Variants in PLPPR3 observed in about 807,000 individuals in gnomAD.
The protein encoded by PLPPR3 is phospholipid phosphatase-related protein type 3.
PLPPR3 carries 14 observed loss-of-function variants against 27.3 expected under a neutral mutation model. The observed-to-expected ratio is 0.51, with a 90% CI of 0.34 to 0.80. PLPPR3 has a LOEUF of 0.80. Ranked by LOEUF, PLPPR3 falls within the 30% of genes least tolerant of loss-of-function variation. The pLI is 0.01. For synonymous variants in PLPPR3, 671 were observed against 508.0 expected, an observed-to-expected ratio of 1.32 and a Z score of -4.32; for missense variants, 1,287 against 1,056.9, an observed-to-expected ratio of 1.22 and a Z score of -3.02.
chr19:814,773 C>A, intron 5 of PLPPR3, 24 bp from the exon 6 acceptor site: 1 of 1,559,150 alleles, frequency 6.4e-7, no homozygotes, highest in Non-Finnish European at 8.6e-7. Flanking sequence ...CCAGCGTGAG[C>A]CCCGCCCACC....
At chr19:817,203 C>G (rs1356923301) in intron 2 of PLPPR3, among the ~76,000 whole-genome samples, 2 of 151,948 alleles carry the variant, frequency 1.3e-5, no homozygotes, top group African/African-American at 4.8e-5. Context: ...GTCTCGAACT[C>G]CTAGGCTCAA....
At chr19:819,382 G>A (rs974853296) in intron 2 of PLPPR3, among the ~76,000 whole-genome samples, 2 of 151,040 alleles carry the variant, frequency 1.3e-5, no homozygotes, top group Admixed American at 6.6e-5. Context: ...CTGGGTTCAA[G>A]CGATTCTCCT....
In PLPPR3 at chr19:813,764, C is replaced by A; in HGVS notation, c.963G>T (p.Val321=). 1 of 1,528,178 alleles carries A rather than the reference C, an allele frequency of 6.5e-7. No homozygotes were observed. Among genetic ancestry groups the A allele is most frequent in the South Asian group, 1.2e-5 (1 of 83,418 alleles). The allele number at this position is 1,528,178 out of a possible 1,614,324, so 94.7% of individuals were successfully genotyped here. Residue 321 remains valine, a synonymous_variant, in exon 8 of 8, where the codon GTG becomes GTT. Transcript: ENST00000520876. The surrounding 1 kb of genome is among the most constrained non-coding windows in gnomAD (Gnocchi z 4.1). ...CTGGGGGCCCCAGCTCGTCGGTGCT[C>A]ACCGACTTATTCTGCTGATAAACCG... The part of the protein sequence containing the change: ...HDSVYQQNKS[V]STDELGPPGR...
intron 7 of PLPPR3, 149 bp from the exon 8 acceptor site, chr19:814,044 G>A (rs118190131): frequency 0.015 from 10,964 of 753,658 alleles, 126 homozygotes; most frequent in South Asian, 0.026. Context: ...CAAGGTTGCT[G>A]ACCCAGCACA....
intron 2 of PLPPR3, among the ~76,000 whole-genome samples, chr19:818,422 C>A (rs1026733699): frequency 6.6e-6 from 1 of 151,802 alleles, no homozygotes; most frequent in South Asian, 2.1e-4. Context: ...ATAATAAGGC[C>A]GACCGCAGTG....
Position 813,113 on chromosome 19 carries a change from C to T in PLPPR3, c.1614G>A (p.Gln538=), listed in dbSNP as rs759451673. The part of the protein sequence containing the change: ...AAVANPPRLL[Q]VIAMSKAPGA... ...CCGGAGCCTTGGACATGGCGATGAC[C>T]TGCAGCAGCCGCGGAGGGTTGGCCA... is the stretch of plus-strand genomic sequence containing the variant. The change falls in exon 8 of 8, where the codon CAG becomes CAA. Residue 538 remains glutamine, a synonymous_variant. Coordinates refer to ENST00000520876, the MANE Select transcript of PLPPR3 (RefSeq NM_001270366.2). This position sits in a 1 kb window ranked among gnomAD's most constrained non-coding sequence, Gnocchi z 4.1. 13 of 1,503,078 alleles carry T rather than the reference C, an allele frequency of 8.6e-6. No homozygotes were observed. Among genetic ancestry groups the T allele is most frequent in the African/African-American group, 1.5e-5 (1 of 68,474 alleles). 93.1% of individuals were successfully genotyped at this position (1,503,078 alleles called of 1,614,324 possible).
upstream of PLPPR3, among the ~76,000 whole-genome samples, chr19:823,454 A>ACAAAC (rs1568289365): frequency 2.0e-5 from 3 of 150,264 alleles, no homozygotes; most frequent in African/African-American, 7.3e-5. Flanking sequence ...AAAAAAAAAA[A>ACAAAC]AAAACAAACA....
In PLPPR3 at chr19:813,069, G is replaced by T. The variant is rs1234262321; in HGVS notation, c.1658C>A (p.Ala553Glu). Reference sequence around the variant, plus strand: ...GCTGGACGACGACGCCGTCTCGGCCGCCTTGGGGCCCGGCGCGCCCGGAGC... The same window carrying T: ...GCTGGACGACGACGCCGTCTCGGCCTCCTTGGGGCCCGGCGCGCCCGGAGC... ...SKAPGAPGPKAAETASSSSAS... is the reference protein window; with the variant it reads ...SKAPGAPGPKEAETASSSSAS... Residue 553 changes from alanine (A) to glutamate (E), a missense_variant, in exon 8 of 8, where the codon GCG becomes GAG. Ala to Glu is a moderately radical substitution (Grantham distance 107). Coordinates refer to ENST00000520876, the MANE Select transcript of PLPPR3 (RefSeq NM_001270366.2). The surrounding 1 kb of genome is among the most constrained non-coding windows in gnomAD (Gnocchi z 4.1). 1.3e-6 allele frequency: 2 copies of T among 1,500,082 alleles called. No individual in the cohort carries two copies. The highest frequency in any genetic ancestry group is 8.8e-7 in the Non-Finnish European group (1 of 1,135,202). 92.9% of individuals were successfully genotyped at this position (1,500,082 alleles called of 1,614,324 possible).
At chr19:818,148 C>T (rs1656380795) in intron 2 of PLPPR3, among the ~76,000 whole-genome samples, 1 of 151,990 alleles carries the variant, frequency 6.6e-6, no homozygotes, top group African/African-American at 2.4e-5. Context: ...TTTGGGAGGC[C>T]GGGACGGGCA....
rs1055642299 is a variant in PLPPR3, at chr19:812,831, G to A, written c.1896C>T (p.Ala632=). The A allele has an allele frequency of 1.8e-5, 20 of 1,113,272 alleles. No individual in the cohort carries two copies. The African/African-American group carries it at 2.5e-4, about 14-fold the overall frequency. 69.0% of individuals were successfully genotyped at this position (1,113,272 alleles called of 1,614,324 possible). Residue 632 remains alanine, a synonymous_variant, in exon 8 of 8, where the codon GCC becomes GCT. Coordinates refer to ENST00000520876, the MANE Select transcript of PLPPR3 (RefSeq NM_001270366.2). Reference sequence around the variant, plus strand: ...AGCCGGGGGACACGCCCGGGGGCTTGGCCCCGCCGCGGAAGCCGCGCGCCA... The same window carrying A: ...AGCCGGGGGACACGCCCGGGGGCTTAGCCCCGCCGCGGAAGCCGCGCGCCA... The part of the protein sequence containing the change: ...GDLARGFRGG[A]KPPGVSPGSS...
In PLPPR3 at chr19:814,722, C is replaced by T. The variant is rs1458640171; in HGVS notation, c.627G>A (p.Thr209=). The T allele has an allele frequency of 1.4e-5, 22 of 1,585,848 alleles. No individual in the cohort carries two copies. Among genetic ancestry groups the T allele is most frequent in the African/African-American group, 1.3e-4 (10 of 74,680 alleles). ...CATAGACCGCGGCGAAGGCTGACAG[C>T]GTGGCGTGCTGGGACGGGAAGGTCT... is the stretch of plus-strand genomic sequence containing the variant. ...ARKTFPSQHA[T]LSAFAAVYVS... The change falls in exon 6 of 8, where the codon ACG becomes ACA. Residue 209 remains threonine, a synonymous_variant. Coordinates refer to ENST00000520876, the MANE Select transcript of PLPPR3 (RefSeq NM_001270366.2).
intron 4 of PLPPR3, 36 bp from the exon 5 acceptor site, chr19:815,117 G>A (rs1159485123): frequency 6.2e-7 from 1 of 1,600,032 alleles, no homozygotes; most frequent in Admixed American, 1.7e-5. Flanking sequence ...CGGGGAGCTG[G>A]GGACCCGGGA....
intron 2 of PLPPR3, 37 bp from the exon 3 acceptor site, chr19:815,888 C>A (rs2035045366): frequency 3.8e-6 from 6 of 1,599,458 alleles, no homozygotes; most frequent in Non-Finnish European, 5.1e-6. Context: ...ACCCTGCTCT[C>A]CCTCGCGGAG....
intron 7 of PLPPR3, among the ~76,000 whole-genome samples, 156 bp downstream of exon 7, chr19:814,278 C>T (rs2035011450): frequency 6.7e-6 from 1 of 149,314 alleles, no homozygotes; most frequent in Non-Finnish European, 1.5e-5. Context: ...TGCCTCACCC[C>T]TCAGGCTACC....
At chr19:818,810 G>A (rs1288571260) in intron 2 of PLPPR3, among the ~76,000 whole-genome samples, 2 of 151,976 alleles carry the variant, frequency 1.3e-5, no homozygotes, top group Non-Finnish European at 2.9e-5. Flanking sequence ...TGGGATGACA[G>A]GCGTGAGCCA....
intron 2 of PLPPR3, among the ~76,000 whole-genome samples, chr19:818,958 C>CTTA (rs1227998081): frequency 8.3e-6 from 1 of 120,518 alleles, no homozygotes; most frequent in South Asian, 2.9e-4. Context: ...TGCGCTCGGC[C>CTTA]TTATTATTAT....
In PLPPR3 at chr19:813,347, G is replaced by T. The variant is rs2034977334; in HGVS notation, c.1380C>A (p.Asp460Glu). ...EEEEEEEEEE[D>E]EGPAPPSLYP... ...AGAGCGAGGGCGGGGCCGGGCCCTC[G>T]TCCTCCTCCTCTTCCTCCTCCTCCT... The change falls in exon 8 of 8, where the codon GAC becomes GAA. Residue 460 changes from aspartate to glutamate, a missense_variant. By Grantham distance (45) the Asp-to-Glu change is conservative. Coordinates refer to ENST00000520876, the MANE Select transcript of PLPPR3 (RefSeq NM_001270366.2). This position sits in a 1 kb window ranked among gnomAD's most constrained non-coding sequence, Gnocchi z 4.1. 3 of 1,474,550 alleles carry T rather than the reference G, an allele frequency of 2.0e-6. No homozygotes were observed. Among genetic ancestry groups the T allele is most frequent in the East Asian group, 2.6e-5 (1 of 38,144 alleles). The allele number at this position is 1,474,550 out of a possible 1,614,324, so 91.3% of individuals were successfully genotyped here.
Position 812,540 on chromosome 19 carries a change from C to CGGG in PLPPR3, c.*29_*30insCCC. Reference sequence around the variant, plus strand: ...CGCGCGGCCGCCCGCGCCCTCGGCCCGCCCCCCGCCCGCCCCCGGCCCCGC... The same window carrying CGGG: ...CGCGCGGCCGCCCGCGCCCTCGGCCCGGGGCCCCCCGCCCGCCCCCGGCCCCGC... On this transcript the variant is annotated 3_prime_UTR_variant, in exon 8 of 8. Coordinates refer to ENST00000520876, the MANE Select transcript of PLPPR3 (RefSeq NM_001270366.2). 2 of 934,770 alleles carry CGGG rather than the reference C, an allele frequency of 2.1e-6. No individual in the cohort carries two copies. Among genetic ancestry groups the CGGG allele is most frequent in the Non-Finnish European group, 2.6e-6 (2 of 782,812 alleles). 57.9% of individuals were successfully genotyped at this position (934,770 alleles called of 1,614,324 possible). A position where few individuals can be genotyped will look rare whatever the true frequency, so the allele number is the denominator to read the frequency against.
chr19:814,305 C>A (rs2035011974), intron 7 of PLPPR3, 129 bp downstream of exon 7: 5 of 889,382 alleles, frequency 5.6e-6, no homozygotes, highest in African/African-American at 3.5e-5. Context: ...CCCTGTCAGA[C>A]CCCCTGAGCC....
Sources: allele counts gnomAD v4.1 joint callset (sites outside exome capture counted in the v4.1 genomes callset), GRCh38; gene constraint gnomAD v4.1.1; non-coding constraint Gnocchi (gnomAD v3.1); transcripts MANE v1.5; gene names NCBI Gene and HGNC (gene_info 2026-07-23, HGNC 2026-07-21).